OCM: variants seen among roughly 807,000 people sequenced by gnomAD.
OCM encodes oncomodulin, also known as oncomodulin-1.
Under a neutral mutation model 14.1 loss-of-function variants are expected in OCM, and 18 were observed. The observed-to-expected ratio is 1.28, with a 90% CI of 0.88 to 1.89. OCM has a LOEUF of 1.89. Ranked by LOEUF, OCM falls within the 40% of genes most tolerant of loss-of-function variation. The pLI is 0.00. For synonymous variants in OCM, 48 were observed against 51.0 expected, an observed-to-expected ratio of 0.94 and a Z score of 0.25; for missense variants, 140 against 137.6, an observed-to-expected ratio of 1.02 and a Z score of -0.09.
At chr7:5,878,273 C>T (rs1468098727), upstream of OCM, among the ~76,000 whole-genome samples, 1 of 151,210 alleles carries the variant, frequency 6.6e-6, no homozygotes, top group Non-Finnish European at 1.5e-5. Flanking sequence ...AGTAGTCAAA[C>T]TAGTAGAAGC....
chr7:5,883,370 A>T (rs1205976615), intron 2 of OCM, among the ~76,000 whole-genome samples: 2 of 151,790 alleles, frequency 1.3e-5, no homozygotes, highest in African/African-American at 4.8e-5. Context: ...AATAAATAAA[A>T]ATTAAAAACA....
chr7:5,868,936 G>A, the OCM span, among the ~76,000 whole-genome samples: 6 of 152,190 alleles, frequency 3.9e-5, no homozygotes, highest in East Asian at 1.9e-4. Context: ...AGTGGTGTCC[G>A]CCTGTAATCC....
At chr7:5,872,340 C>T in the OCM span, among the ~76,000 whole-genome samples, 2 of 152,198 alleles carry the variant, frequency 1.3e-5, no homozygotes, top group Admixed American at 6.5e-5. Flanking sequence ...AAACAGCAGT[C>T]ACTTCGTCTC....
chr7:5,879,241 C>T (rs1300521196), upstream of OCM, among the ~76,000 whole-genome samples: 1 of 152,118 alleles, frequency 6.6e-6, no homozygotes, highest in Non-Finnish European at 1.5e-5. Context: ...CTGGCCTCAG[C>T]CTCAGAATAT....
chr7:5,860,721 C>T, the OCM span, among the ~76,000 whole-genome samples: 8 of 134,336 alleles, frequency 6.0e-5, 1 homozygote. Flanking sequence ...TGTATATATA[C>T]GTGTATATAT....
At chr7:5,862,047 G>C in the OCM span, among the ~76,000 whole-genome samples, 2 of 152,014 alleles carry the variant, frequency 1.3e-5, no homozygotes, top group Non-Finnish European at 2.9e-5. Flanking sequence ...CTGCAGGCGT[G>C]TGCCCCTGGG....
chr7:5,862,821 CTT>C, the OCM span, among the ~76,000 whole-genome samples: 14 of 151,966 alleles, frequency 9.2e-5, no homozygotes, highest in Admixed American at 3.3e-4. Context: ...CTCCTCTACT[CTT>C]TTCACATGTT....
the OCM span, among the ~76,000 whole-genome samples, chr7:5,872,639 G>A: frequency 6.6e-6 from 1 of 152,026 alleles, no homozygotes; most frequent in African/African-American, 2.4e-5. Context: ...TGGATGATGG[G>A]GCAAGATGTG....
chr7:5,882,141 G>A (rs1781232102), intron 1 of OCM, among the ~76,000 whole-genome samples: 1 of 135,396 alleles, frequency 7.4e-6, no homozygotes, highest in East Asian at 2.4e-4. Flanking sequence ...CATTTAGCCT[G>A]TTGAAATCCA....
At chr7:5,863,730 C>A in the OCM span, among the ~76,000 whole-genome samples, 1 of 151,992 alleles carries the variant, frequency 6.6e-6, no homozygotes, top group Non-Finnish European at 1.5e-5. Flanking sequence ...GATGGGGTTT[C>A]ACCATGTTGG....
the OCM span, among the ~76,000 whole-genome samples, chr7:5,874,053 T>TA: frequency 5.6e-4 from 55 of 97,992 alleles, no homozygotes; most frequent in African/African-American, 1.1e-3. Flanking sequence ...CCATCTCTAC[T>TA]AAAAATAAAA....
chr7:5,881,153 C>T (rs13310156), intron 1 of OCM, among the ~76,000 whole-genome samples: 6 of 151,810 alleles, frequency 4.0e-5, no homozygotes, highest in Non-Finnish European at 7.4e-5. Flanking sequence ...CCCATCTCTA[C>T]TAAAAATACA....
intron 3 of OCM, among the ~76,000 whole-genome samples, chr7:5,884,646 G>A (rs1016786326): frequency 2.0e-5 from 3 of 151,288 alleles, no homozygotes; most frequent in Non-Finnish European, 4.4e-5. Context: ...TGCCAACTCA[G>A]CAGAACATAT....
chr7:5,880,064 C>T (rs1483822077), upstream of OCM: 2 of 152,166 alleles, frequency 1.3e-5, no homozygotes, highest in East Asian at 1.9e-4. Context: ...GCTCTGACAC[C>T]TGGAAGGATT....
intron 2 of OCM, among the ~76,000 whole-genome samples, chr7:5,883,622 G>C (rs1451200573): frequency 4.1e-5 from 6 of 145,242 alleles, no homozygotes; most frequent in African/African-American, 9.8e-5. Context: ...AGGAAGTCGA[G>C]GCTGCAGTGA....
At chr7:5,864,024 A>G in the OCM span, among the ~76,000 whole-genome samples, 1 of 151,968 alleles carries the variant, frequency 6.6e-6, no homozygotes, top group African/African-American at 2.4e-5. Context: ...CAGGAATGCA[A>G]GAATGATCTG....
chr7:5,886,145 A>G lies in OCM; in HGVS notation c.*56A>G. 1.3e-6 allele frequency: 2 copies of G among 1,530,686 alleles called. No individual in the cohort carries two copies. Among genetic ancestry groups the G allele is most frequent in the Non-Finnish European group, 1.8e-6 (2 of 1,107,998 alleles). 94.8% of individuals were successfully genotyped at this position (1,530,686 alleles called of 1,614,324 possible). On this transcript the variant is annotated 3_prime_UTR_variant, in exon 4 of 4. Transcript: ENST00000242104. The stretch of plus-strand genomic sequence containing the variant: ...GGGATAATCACCTGGAAGGATTCCA[A>G]AGCCCTGGGAATGGGGAACCCCACA...
At chr7:5,879,560 A>AGC (rs1361774209), upstream of OCM, among the ~76,000 whole-genome samples, 1 of 152,096 alleles carries the variant, frequency 6.6e-6, no homozygotes, top group Non-Finnish European at 1.5e-5. Flanking sequence ...CAGCTTACAG[A>AGC]GCACCCTGTA....
chr7:5,875,874 C>T (rs867465158), upstream of OCM, among the ~76,000 whole-genome samples: 5 of 150,492 alleles, frequency 3.3e-5, no homozygotes, highest in South Asian at 2.1e-4. Context: ...CTCACTGTGT[C>T]GCCCAGGCTG....
Sources: allele counts gnomAD v4.1 joint callset (sites outside exome capture counted in the v4.1 genomes callset), GRCh38; gene constraint gnomAD v4.1.1; transcripts MANE v1.5; gene names NCBI Gene and HGNC (gene_info 2026-07-23, HGNC 2026-07-21).